The following PAPPA variants were observed in gnomAD, a reference collection of about 807,000 sequenced individuals.
PAPPA encodes pappalysin 1.
Under a neutral mutation model 164.0 loss-of-function variants are expected in PAPPA, and 60 were observed. The observed-to-expected ratio is 0.37, with a 90% CI of 0.30 to 0.45. The LOEUF (loss-of-function observed/expected upper bound fraction) is 0.45. PAPPA is among the 20% of genes least tolerant of loss of function. The pLI is 1.00. For synonymous variants in PAPPA, 875 were observed against 814.1 expected, an observed-to-expected ratio of 1.07 and a Z score of -1.27; for missense variants, 1,782 against 2,087.3, an observed-to-expected ratio of 0.85 and a Z score of 2.85.
At chr9:116,292,198 G>A (rs184064167) in intron 9 of PAPPA, among the ~76,000 whole-genome samples, 145 of 152,300 alleles carry the variant, frequency 9.5e-4, no homozygotes, top group Non-Finnish European at 1.5e-3. Flanking sequence ...CCTGGATACA[G>A]ACTTTGAACT....
At chr9:116,356,808 C>T (rs981986745) in intron 17 of PAPPA, among the ~76,000 whole-genome samples, 7 of 152,154 alleles carry the variant, frequency 4.6e-5, no homozygotes, top group African/African-American at 1.7e-4. Context: ...CAGCTGTGTT[C>T]TTTTTGCTTA....
At chr9:116,183,413 T>A (rs1033122393) in intron 1 of PAPPA, among the ~76,000 whole-genome samples, 1 of 152,120 alleles carries the variant, frequency 6.6e-6, no homozygotes, top group African/African-American at 2.4e-5. Context: ...AGAAGGGAAA[T>A]TAGGTTCAGC....
At chr9:116,207,752 C>T (rs1374078279) in intron 3 of PAPPA, 151 bp downstream of exon 3, 1 of 558,720 alleles carries the variant, frequency 1.8e-6, no homozygotes, top group African/African-American at 1.9e-5. Flanking sequence ...TTACAAAATT[C>T]TTTAGCATCC....
At chr9:116,226,478 T>G (rs1844511822) in intron 5 of PAPPA, among the ~76,000 whole-genome samples, 1 of 152,204 alleles carries the variant, frequency 6.6e-6, no homozygotes, top group South Asian at 2.1e-4. Context: ...CCAGGAATGA[T>G]GAAAGAGTTA....
chr9:116,360,339 G>A (rs1483175878), intron 17 of PAPPA, among the ~76,000 whole-genome samples: 1 of 152,216 alleles, frequency 6.6e-6, no homozygotes, highest in Non-Finnish European at 1.5e-5. Flanking sequence ...ACCTCTGGGA[G>A]TGAACTCTGC....
intron 1 of PAPPA, among the ~76,000 whole-genome samples, chr9:116,165,485 A>T (rs1040987908): frequency 6.6e-6 from 1 of 151,922 alleles, no homozygotes; most frequent in Non-Finnish European, 1.5e-5. Context: ...TTATAGACAA[A>T]CTCTCTTCTC....
rs1053444024 is a variant in PAPPA, at chr9:116,225,550, A to C, written c.2112-1881A>C. On this transcript the variant is annotated intron_variant, in intron 5 of 21. Transcript: ENST00000328252. ...ATGTTACTTTTTCATTTAATATTAT[A>C]GCTTACACATTTTCCATGAAGTTGC... 2.6e-5 allele frequency among the ~76,000 whole-genome samples: 4 copies of C among 152,306 alleles called. No individual in the cohort carries two copies. In the South Asian group the frequency reaches 8.3e-4, roughly 32 times the overall value.
rs769197759 is a variant in PAPPA at position 116,220,053 on chromosome 9, C to G, written c.2035C>G (p.Pro679Ala). 1 of 1,614,168 alleles carries G rather than the reference C, an allele frequency of 6.2e-7. No individual in the cohort carries two copies. Among genetic ancestry groups the G allele is most frequent in the African/African-American group, 1.3e-5 (1 of 75,048 alleles). ...SRKPAPVALA[P>A]QVLGHTTDSV... ...GAAACCAGCGCCTGTTGCCCTCGCC[C>G]CCCAAGTTCTGGGCCACACAACGGA... The change falls in exon 5 of 22, where the codon CCC becomes GCC. Residue 679 changes from proline (P) to alanine (A), a missense_variant. Transcript: ENST00000328252.
intron 9 of PAPPA, among the ~76,000 whole-genome samples, chr9:116,277,086 G>A (rs1845208620): frequency 6.6e-6 from 1 of 152,138 alleles, no homozygotes; most frequent in Non-Finnish European, 1.5e-5. Context: ...GAGGAGAGGG[G>A]GAAGAATGGG....
chr9:116,200,137 C>CA (rs1305405317), intron 2 of PAPPA, among the ~76,000 whole-genome samples: 4 of 152,186 alleles, frequency 2.6e-5, no homozygotes, highest in Non-Finnish European at 5.9e-5. Flanking sequence ...TCATCTTCCT[C>CA]AACCTTGCAA....
At chr9:116,202,717 T>C (rs1844185487) in intron 2 of PAPPA, among the ~76,000 whole-genome samples, 1 of 152,120 alleles carries the variant, frequency 6.6e-6, no homozygotes, top group Admixed American at 6.5e-5. Flanking sequence ...TGGAAGTGTG[T>C]AAGGGGAGGG....
chr9:116,235,386 C>T lies in PAPPA; in HGVS notation c.2481C>T (p.Ser827=). 1.2e-6 allele frequency: 2 copies of T among 1,614,040 alleles called. No individual in the cohort carries two copies. The highest frequency in any genetic ancestry group is 1.7e-6 in the Non-Finnish European group (2 of 1,180,016). ...KLLAVSGKNI[S]LGPQNVFCDV... ...TGGCTGTCAGTGGGAAGAACATCTC[C>T]CTGGGTCCTCAGAATGTCTTCTGTG... Residue 827 remains serine (S), a synonymous_variant, in exon 7 of 22, where the codon TCC becomes TCT. Coordinates refer to ENST00000328252, the MANE Select transcript of PAPPA (RefSeq NM_002581.5).
rs1231632253 is a variant in PAPPA, at chr9:116,400,938, C to A, written c.*4322C>A. The A allele has an allele frequency of 1.3e-5, 2 of 152,498 alleles. No individual in the cohort carries two copies. Among genetic ancestry groups the A allele is most frequent in the African/African-American group, 4.8e-5 (2 of 41,416 alleles). The allele number at this position is 152,498 out of a possible 1,614,324, so 9.4% of individuals were successfully genotyped here. The stretch of plus-strand genomic sequence containing the variant: ...TGCAAAATGGGGATAATACTATATA[C>A]CTACCTCACAGTGGGAGGGCAGGAG... On this transcript the variant is annotated 3_prime_UTR_variant, in exon 22 of 22. Transcript: ENST00000328252.
intron 1 of PAPPA, among the ~76,000 whole-genome samples, chr9:116,158,519 G>A (rs1190202012): frequency 1.3e-5 from 2 of 152,176 alleles, no homozygotes; most frequent in Non-Finnish European, 2.9e-5. Context: ...CCTTCCTCAT[G>A]TACAGAGTGA....
At chr9:116,329,741 T>C (rs1010309387) in intron 10 of PAPPA, among the ~76,000 whole-genome samples, 3 of 152,240 alleles carry the variant, frequency 2.0e-5, no homozygotes, top group Admixed American at 6.5e-5. Context: ...TCCATGTTGA[T>C]GTCTATGAGC....
chr9:116,375,600 T>C (rs1405192631), intron 19 of PAPPA, among the ~76,000 whole-genome samples: 1 of 152,206 alleles, frequency 6.6e-6, no homozygotes, highest in Non-Finnish European at 1.5e-5. Context: ...TGTCAGGCAT[T>C]CCTGAAGGCA....
chr9:116,235,227 C>G lies in PAPPA; in HGVS notation c.2322C>G (p.Ala774=), dbSNP rs1275012274. 1 of 1,614,182 alleles carries G rather than the reference C, an allele frequency of 6.2e-7. No homozygotes were observed. Among genetic ancestry groups the G allele is most frequent in the Non-Finnish European group, 8.5e-7 (1 of 1,180,012 alleles). Reference sequence around the variant, plus strand: ...TCAACCCACACACGGTTCCTCCAGCCTGCCCTGAGCCTCAAGGCTGCTACC... The same window carrying G: ...TCAACCCACACACGGTTCCTCCAGCGTGCCCTGAGCCTCAAGGCTGCTACC... ...SAVNPHTVPP[A]CPEPQGCYLE... is the part of the protein sequence containing the mutation. The change falls in exon 7 of 22, where the codon GCC becomes GCG. Residue 774 remains alanine (A), a synonymous_variant. Coordinates refer to ENST00000328252, the MANE Select transcript of PAPPA (RefSeq NM_002581.5).
chr9:116,301,704 G>A (rs947839187), intron 9 of PAPPA, among the ~76,000 whole-genome samples: 1 of 152,194 alleles, frequency 6.6e-6, no homozygotes, highest in African/African-American at 2.4e-5. Flanking sequence ...AGCACTTGCT[G>A]TGGTCTAGAT....
chr9:116,189,751 G>T (rs1326360234), intron 2 of PAPPA, among the ~76,000 whole-genome samples: 1 of 152,214 alleles, frequency 6.6e-6, no homozygotes, highest in African/African-American at 2.4e-5. Flanking sequence ...TGGACTTGCT[G>T]ATGGCTCGAG....
Sources: gnomAD v4.1 joint callset for allele counts (sites outside exome capture counted in the v4.1 genomes callset) on GRCh38, gnomAD v4.1.1 for gene constraint, MANE v1.5 for transcripts, NCBI Gene and HGNC (gene_info 2026-07-23, HGNC 2026-07-21) for gene names.